Variants in NPEPPS observed in about 807,000 individuals in gnomAD.
NPEPPS encodes the protein aminopeptidase puromycin sensitive, also known as puromycin-sensitive aminopeptidase.
NPEPPS carries 14 observed loss-of-function variants against 115.5 expected under a neutral mutation model. That is an observed-to-expected ratio of 0.12 (90% CI 0.08 to 0.19). The LOEUF (loss-of-function observed/expected upper bound fraction) is 0.19, where lower values mean the gene tolerates loss of function less well. Among genes scored for constraint, NPEPPS ranks in the 10% least tolerant of loss-of-function variants. The probability of loss-of-function intolerance (pLI) is 1.00; values close to 1 mark genes in which losing one functional copy is unlikely to be tolerated. For synonymous variants in NPEPPS, 285 were observed against 390.6 expected (o/e 0.73, Z 3.19); for missense variants, 523 against 1,110.8 (o/e 0.47, Z 7.52).
chr17:47,614,674 A>G (rs1044167042), intron 19 of NPEPPS, among the ~76,000 whole-genome samples: 5 of 152,222 alleles, frequency 3.3e-5, no homozygotes, highest in African/African-American at 1.2e-4. Flanking sequence ...TCCAGTCCCT[A>G]TTCATACAGT....
chr17:47,537,745 A>G (rs1908407204), intron 1 of NPEPPS, among the ~76,000 whole-genome samples: 1 of 151,786 alleles, frequency 6.6e-6, no homozygotes, highest in Non-Finnish European at 1.5e-5. Context: ...AAATATTTCT[A>G]AAATACATTA....
At chr17:47,576,157 T>C (rs1482386215) in intron 3 of NPEPPS, among the ~76,000 whole-genome samples, 3 of 152,156 alleles carry the variant, frequency 2.0e-5, no homozygotes, top group Non-Finnish European at 4.4e-5. Context: ...GGCACCATTC[T>C]GGGATAGTGA....
chr17:47,618,269 C>G (rs959195936), intron 19 of NPEPPS, 81 bp from the exon 20 acceptor site: 2 of 858,716 alleles, frequency 2.3e-6, no homozygotes, highest in African/African-American at 3.4e-5. Context: ...TTTTACCTTA[C>G]TGGGGAAGAA....
intron 2 of NPEPPS, among the ~76,000 whole-genome samples, chr17:47,559,213 A>AT (rs897275440): frequency 6.6e-6 from 1 of 151,692 alleles, no homozygotes; most frequent in African/African-American, 2.4e-5. Flanking sequence ...TGCCTGGCTA[A>AT]TTTTTTTTAG....
chr17:47,540,772 G>C (rs1313434105), intron 1 of NPEPPS, among the ~76,000 whole-genome samples: 1 of 152,148 alleles, frequency 6.6e-6, no homozygotes, highest in Non-Finnish European at 1.5e-5. Flanking sequence ...TACATATGAA[G>C]CACTAAGTGC....
Position 47,621,823 on chromosome 17 carries a change from G to C in NPEPPS, c.2663G>C (p.Cys888Ser). The C allele has an allele frequency of 6.2e-7, 1 of 1,613,920 alleles. No homozygotes were observed. The highest frequency in any genetic ancestry group is 8.5e-7 in the Non-Finnish European group (1 of 1,179,830). ...GCTGAGCGTACCATCCAGCAGTGTT[G>C]TGAAAATATTCTGCTGAATGCTGCC... is the stretch of plus-strand genomic sequence containing the variant. ...PSAERTIQQCCENILLNAAWL... is the reference protein window; with the variant it reads ...PSAERTIQQCSENILLNAAWL... The change falls in exon 23 of 23, where the codon TGT becomes TCT. Residue 888 changes from cysteine (C) to serine (S), a missense_variant. Coordinates refer to ENST00000322157, the MANE Select transcript of NPEPPS (RefSeq NM_006310.4).
intron 9 of NPEPPS, among the ~76,000 whole-genome samples, chr17:47,587,685 C>CT (rs1256392177): frequency 1.3e-5 from 2 of 152,194 alleles, no homozygotes; most frequent in Non-Finnish European, 1.5e-5. Flanking sequence ...ACTGTAGTTT[C>CT]TTGAATCTTA....
intron 4 of NPEPPS, chr17:47,581,707 TG>T: frequency 6.6e-6 from 1 of 152,522 alleles, no homozygotes; most frequent in East Asian, 1.9e-4. Context: ...TTTGTTTGTT[TG>T]TTTTTTAGTC....
chr17:47,565,911 C>T (rs1162685674), intron 2 of NPEPPS, among the ~76,000 whole-genome samples: 2 of 152,154 alleles, frequency 1.3e-5, no homozygotes, highest in Admixed American at 1.3e-4. Flanking sequence ...TGCAGACACC[C>T]TGGGGTTGGA....
chr17:47,606,965 C>T (rs543348126), intron 17 of NPEPPS, among the ~76,000 whole-genome samples: 7 of 151,824 alleles, frequency 4.6e-5, no homozygotes, highest in Admixed American at 2.0e-4. Flanking sequence ...GAGGCTGAGG[C>T]GGGTGGATCA....
chr17:47,569,370 T>A, intron 2 of NPEPPS, 47 bp from the exon 3 acceptor site: 1 of 1,241,138 alleles, frequency 8.1e-7, no homozygotes, highest in Non-Finnish European at 1.2e-6. Flanking sequence ...TGATTTCGTC[T>A]TGTCAGTCCA....
At position 47,572,723 on chromosome 17, in the gene NPEPPS, CAGA is replaced by C. The variant is rs201463466; in HGVS notation, c.418+3231_418+3233del. Among the ~76,000 whole-genome samples the C allele has an allele frequency of 5.9e-3, 894 of 152,284 alleles. 4 individuals carry two copies. The highest frequency in any genetic ancestry group is 0.017 in the African/African-American group (719 of 41,562). The stretch of plus-strand genomic sequence containing the variant: ...AAAATAGATTTGAGAACCAGTCCAG[CAGA>C]ACCAACATCCATCTAGTGAAACAGA... On this transcript the variant is annotated intron_variant, in intron 3 of 22. Coordinates refer to ENST00000322157, the MANE Select transcript of NPEPPS (RefSeq NM_006310.4).
intron 12 of NPEPPS, among the ~76,000 whole-genome samples, chr17:47,595,289 C>A (rs900390453): frequency 6.6e-6 from 1 of 151,780 alleles, no homozygotes; most frequent in Non-Finnish European, 1.5e-5. Flanking sequence ...TGGTCTTGAA[C>A]TCCAGACCTC....
At chr17:47,585,387 C>G in intron 5 of NPEPPS, 113 bp from the exon 6 acceptor site, 1 of 699,642 alleles carries the variant, frequency 1.4e-6, no homozygotes, top group South Asian at 1.9e-5. Context: ...ATAAGCCATG[C>G]TAGAATAGAA....
At chr17:47,587,678 G>A (rs890278832) in intron 9 of NPEPPS, among the ~76,000 whole-genome samples, 16 of 152,170 alleles carry the variant, frequency 1.1e-4, no homozygotes, top group Non-Finnish European at 1.6e-4. Flanking sequence ...CAGGCTAACT[G>A]TAGTTTCTTG....
intron 3 of NPEPPS, among the ~76,000 whole-genome samples, chr17:47,578,015 G>C (rs1377918422): frequency 6.6e-6 from 1 of 152,024 alleles, no homozygotes; most frequent in Non-Finnish European, 1.5e-5. Flanking sequence ...AGACCAGCTG[G>C]CCAACATGGC....
chr17:47,568,912 C>T (rs1366046259), intron 2 of NPEPPS, among the ~76,000 whole-genome samples: 1 of 151,618 alleles, frequency 6.6e-6, no homozygotes, highest in African/African-American at 2.4e-5. Context: ...GCCTCGGCCT[C>T]CCAAAGTGCT....
chr17:47,592,701 A>C, intron 12 of NPEPPS, 156 bp downstream of exon 12: 1 of 602,468 alleles, frequency 1.7e-6, no homozygotes. Flanking sequence ...AATATCTCTA[A>C]TCTCAAAATC....
At chr17:47,587,448 A>G (rs1912260845) in intron 9 of NPEPPS, 104 bp downstream of exon 9, 2 of 958,098 alleles carry the variant, frequency 2.1e-6, no homozygotes, top group Non-Finnish European at 2.9e-6. Context: ...GTGCCAAAAA[A>G]TAATTGAGTG....
Sources: allele counts gnomAD v4.1 joint callset (sites outside exome capture counted in the v4.1 genomes callset), GRCh38; gene constraint gnomAD v4.1.1; transcripts MANE v1.5; gene names NCBI Gene and HGNC (gene_info 2026-07-23, HGNC 2026-07-21).